The following CCDC102A variants were observed in gnomAD, a reference collection of about 807,000 sequenced individuals.
The protein encoded by CCDC102A is coiled-coil domain containing 102A.
Under a neutral mutation model 55.5 loss-of-function variants are expected in CCDC102A, and 40 were observed. That is an observed-to-expected ratio of 0.72 (90% CI 0.56 to 0.94). The LOEUF is 0.94. CCDC102A is among the 40% of genes least tolerant of loss of function. CCDC102A has a pLI of 0.00. For missense variants in CCDC102A, 779 were observed against 768.6 expected, an observed-to-expected ratio of 1.01 and a Z score of -0.16; for synonymous variants, 323 against 339.0, an observed-to-expected ratio of 0.95 and a Z score of 0.52.
In CCDC102A at chr16:57,528,736, C is replaced by A; in HGVS notation, c.442G>T (p.Gly148Cys). 8.5e-7 allele frequency: 1 copy of A among 1,172,108 alleles called. No homozygotes were observed. Among genetic ancestry groups the A allele is most frequent in the Non-Finnish European group, 1.1e-6 (1 of 940,958 alleles). 72.6% of individuals were successfully genotyped at this position (1,172,108 alleles called of 1,614,324 possible). A position where few individuals can be genotyped will look rare whatever the true frequency, so the allele number is the denominator to read the frequency against. ...GARRERQEAQGECEARGRELA... is the reference protein window; with the variant it reads ...GARRERQEAQCECEARGRELA... Reference sequence around the variant, plus strand: ...TCGCGGCCCCGTGCCTCGCACTCGCCCTGCGCCTCTTGGCGCTCGCGCCGT... The same window carrying A: ...TCGCGGCCCCGTGCCTCGCACTCGCACTGCGCCTCTTGGCGCTCGCGCCGT... The change falls in exon 2 of 9, where the codon GGC (glycine) becomes TGC (cysteine). Residue 148 changes from glycine (G) to cysteine (C), a missense_variant. Gly to Cys is a radical substitution (Grantham distance 159). Transcript: ENST00000258214.
At chr16:57,524,156 C>G (rs1378887895) in intron 3 of CCDC102A, among the ~76,000 whole-genome samples, 2 of 152,088 alleles carry the variant, frequency 1.3e-5, no homozygotes, top group Middle Eastern at 3.4e-3. Context: ...TCAGACCAAG[C>G]CTTGCAGGGA....
chr16:57,515,373 G>T lies in CCDC102A; in HGVS notation c.1491C>A (p.Asn497Lys), dbSNP rs1309741100. 2 of 1,607,926 alleles carry T rather than the reference G, an allele frequency of 1.2e-6. No individual in the cohort carries two copies. Among genetic ancestry groups the T allele is most frequent in the Non-Finnish European group, 1.7e-6 (2 of 1,178,068 alleles). The change falls in exon 8 of 9, where the codon AAC becomes AAA. Residue 497 changes from asparagine (N) to lysine (K), a missense_variant. Coordinates refer to ENST00000258214, the MANE Select transcript of CCDC102A (RefSeq NM_033212.4). ...GCAGGTGCTCCAGTTGCACTTGCAG[G>T]TTCTCGCTCTGCTCCGTCTGCTCGT... is the stretch of plus-strand genomic sequence containing the variant. ...SLDEQTEQSE[N>K]LQVQLEHLQS...
intron 1 of CCDC102A, among the ~76,000 whole-genome samples, chr16:57,534,167 C>T (rs1019131127): frequency 6.6e-6 from 1 of 152,226 alleles, no homozygotes; most frequent in Non-Finnish European, 1.5e-5. Context: ...ACCCCACCCC[C>T]ACCTGGGGAC....
At chr16:57,522,038 G>A (rs1448033444) in intron 3 of CCDC102A, among the ~76,000 whole-genome samples, 1 of 152,212 alleles carries the variant, frequency 6.6e-6, no homozygotes, top group Non-Finnish European at 1.5e-5. Flanking sequence ...GCAATGCCCT[G>A]GGCGTCCTGC....
In CCDC102A at chr16:57,516,678, G is replaced by A; in HGVS notation, c.1249-215C>T. 1.7e-6 allele frequency: 1 copy of A among 590,210 alleles called. No individual in the cohort carries two copies. The highest frequency in any genetic ancestry group is 2.0e-5 in the South Asian group (1 of 49,280). 36.6% of individuals were successfully genotyped at this position (590,210 alleles called of 1,614,324 possible). A position where few individuals can be genotyped will look rare whatever the true frequency, so the allele number is the denominator to read the frequency against. On this transcript the variant is annotated intron_variant, in intron 6 of 8. Coordinates refer to ENST00000258214, the MANE Select transcript of CCDC102A (RefSeq NM_033212.4). This position sits in a 1 kb window ranked among gnomAD's most constrained non-coding sequence, Gnocchi z 4.4. The stretch of plus-strand genomic sequence containing the variant: ...TTCCAGGGAGGTGAGAAGGCTGGGT[G>A]GGTGGAACCTGTGGCTCCGGTTTGG...
rs1330274619 is a variant in CCDC102A, at chr16:57,529,517, T to C, written c.-147-193A>G. Among the ~76,000 whole-genome samples, 1 of 152,164 alleles carries C rather than the reference T, an allele frequency of 6.6e-6. No homozygotes were observed. The highest frequency in any genetic ancestry group is 1.5e-5 in the Non-Finnish European group (1 of 68,022). On this transcript the variant is annotated intron_variant, in intron 1 of 8. Coordinates refer to ENST00000258214, the MANE Select transcript of CCDC102A (RefSeq NM_033212.4). This position sits in a 1 kb window ranked among gnomAD's most constrained non-coding sequence, Gnocchi z 4.1. Reference sequence around the variant, plus strand: ...CTCCTCAGTGGCCTCGACTCCCTGCTCCAATCCCTTCACCCAGCGGCGCTA... The same window carrying C: ...CTCCTCAGTGGCCTCGACTCCCTGCCCCAATCCCTTCACCCAGCGGCGCTA...
chr16:57,520,047 T>C (rs1391908824), intron 4 of CCDC102A, among the ~76,000 whole-genome samples: 1 of 152,202 alleles, frequency 6.6e-6, no homozygotes, highest in Admixed American at 6.5e-5. Context: ...TCAGTTTCCC[T>C]ATCTGTAAGA....
At position 57,529,028 on chromosome 16, in the gene CCDC102A, C is replaced by T; in HGVS notation, c.150G>A (p.Gly50=). 1 of 1,105,074 alleles carries T rather than the reference C, an allele frequency of 9.0e-7. No homozygotes were observed. The highest frequency in any genetic ancestry group is 1.1e-6 in the Non-Finnish European group (1 of 906,642). The allele number at this position is 1,105,074 out of a possible 1,614,324, so 68.5% of individuals were successfully genotyped here. The change falls in exon 2 of 9, where the codon GGG becomes GGA. Residue 50 remains glycine, a synonymous_variant. Transcript: ENST00000258214. This position sits in a 1 kb window ranked among gnomAD's most constrained non-coding sequence, Gnocchi z 4.1. The stretch of plus-strand genomic sequence containing the variant: ...GGGGCAGGGGCAGTGCGGGCGGCGG[C>T]CCGGGCGAGGGCGTGCCGCTGGGCG... ...PTPPSGTPSP[G]PPPALPLPPA...
chr16:57,528,725 C>T lies in CCDC102A; in HGVS notation c.453G>A (p.Glu151=). 8.7e-7 allele frequency: 1 copy of T among 1,149,964 alleles called. No individual in the cohort carries two copies. The highest frequency in any genetic ancestry group is 2.5e-5 in the South Asian group (1 of 39,530). The allele number at this position is 1,149,964 out of a possible 1,614,324, so 71.2% of individuals were successfully genotyped here. The part of the protein sequence containing the change: ...RERQEAQGEC[E]ARGRELARLR... The stretch of plus-strand genomic sequence containing the variant: ...GCCGCGCCAGCTCGCGGCCCCGTGC[C>T]TCGCACTCGCCCTGCGCCTCTTGGC... Residue 151 remains glutamate, a synonymous_variant, in exon 2 of 9, where the codon GAG becomes GAA. Coordinates refer to ENST00000258214, the MANE Select transcript of CCDC102A (RefSeq NM_033212.4).
In CCDC102A at chr16:57,516,703, G is replaced by A; in HGVS notation, c.1249-240C>T. 1 of 572,402 alleles carries A rather than the reference G, an allele frequency of 1.7e-6. No individual in the cohort carries two copies. Among genetic ancestry groups the A allele is most frequent in the South Asian group, 2.1e-5 (1 of 48,372 alleles). 35.5% of individuals were successfully genotyped at this position (572,402 alleles called of 1,614,324 possible). On this transcript the variant is annotated intron_variant, in intron 6 of 8. Transcript: ENST00000258214. The surrounding 1 kb of genome is among the most constrained non-coding windows in gnomAD (Gnocchi z 4.4). ...GGGTGGAACCTGTGGCTCCGGTTTG[G>A]ATGTGTAACTTTCAGATGCTACTGG...
intron 1 of CCDC102A, among the ~76,000 whole-genome samples, chr16:57,532,794 G>C (rs1456292170): frequency 6.6e-6 from 1 of 152,076 alleles, no homozygotes; most frequent in Non-Finnish European, 1.5e-5. Flanking sequence ...GAAGCTCTTG[G>C]AAAAGAAAAA....
intron 2 of CCDC102A, among the ~76,000 whole-genome samples, chr16:57,527,424 T>TC (rs2032157208): frequency 6.6e-6 from 1 of 151,620 alleles, no homozygotes; most frequent in South Asian, 2.1e-4. Context: ...GCTGCTTTTT[T>TC]TTTTTTTTTT....
Position 57,529,032 on chromosome 16 carries a change from G to C in CCDC102A, c.146C>G (p.Pro49Arg). Residue 49 changes from proline (P) to arginine (R), a missense_variant, in exon 2 of 9, where the codon CCC (proline) becomes CGC (arginine). By Grantham distance (103) the Pro-to-Arg change is moderately radical (BLOSUM62 -2). Transcript: ENST00000258214. The surrounding 1 kb of genome is among the most constrained non-coding windows in gnomAD (Gnocchi z 4.1). ...PPTPPSGTPS[P>R]GPPPALPLPP... Reference sequence around the variant, plus strand: ...CAGGGGCAGTGCGGGCGGCGGCCCGGGCGAGGGCGTGCCGCTGGGCGGCGT... The same window carrying C: ...CAGGGGCAGTGCGGGCGGCGGCCCGCGCGAGGGCGTGCCGCTGGGCGGCGT... The C allele has an allele frequency of 5.4e-6, 6 of 1,107,722 alleles. No individual in the cohort carries two copies. Among genetic ancestry groups the C allele is most frequent in the Non-Finnish European group, 6.6e-6 (6 of 908,404 alleles). The allele number at this position is 1,107,722 out of a possible 1,614,324, so 68.6% of individuals were successfully genotyped here. A position where few individuals can be genotyped will look rare whatever the true frequency, so the allele number is the denominator to read the frequency against.
chr16:57,524,167 A>T (rs1266670875), intron 3 of CCDC102A, among the ~76,000 whole-genome samples: 1 of 152,036 alleles, frequency 6.6e-6, no homozygotes, highest in African/African-American at 2.4e-5. Flanking sequence ...CTTGCAGGGA[A>T]CATAGTCTAC....
Position 57,529,183 on chromosome 16 carries a change from G to A in CCDC102A, c.-6C>T. 1 of 1,178,944 alleles carries A rather than the reference G, an allele frequency of 8.5e-7. No homozygotes were observed. The highest frequency in any genetic ancestry group is 1.0e-6 in the Non-Finnish European group (1 of 953,394). The allele number at this position is 1,178,944 out of a possible 1,614,324, so 73.0% of individuals were successfully genotyped here. On this transcript the variant is annotated 5_prime_UTR_variant, in exon 2 of 9. Transcript: ENST00000258214. This position sits in a 1 kb window ranked among gnomAD's most constrained non-coding sequence, Gnocchi z 4.1. ...GGGCTGGGCCCGTGGCTCATGGTGCGGCCGGGCGGGCCCTGAGCTCGAACT... is the reference window on the plus strand; with the variant it reads ...GGGCTGGGCCCGTGGCTCATGGTGCAGCCGGGCGGGCCCTGAGCTCGAACT...
intron 7 of CCDC102A, 33 bp from the exon 8 acceptor site, chr16:57,515,477 G>A (rs1322903451): frequency 1.4e-6 from 2 of 1,458,212 alleles, no homozygotes; most frequent in Non-Finnish European, 1.9e-6. Flanking sequence ...AAGCACGAGG[G>A]TCACCCAGGG....
intron 4 of CCDC102A, among the ~76,000 whole-genome samples, chr16:57,520,558 T>TAAC (rs1160010186): frequency 2.8e-4 from 36 of 128,058 alleles, no homozygotes; most frequent in African/African-American, 1.2e-3. Flanking sequence ...TAACATAACA[T>TAAC]AACATAACAT....
chr16:57,512,927 G>C, intron 8 of CCDC102A, 57 bp from the exon 9 acceptor site: 1 of 1,507,514 alleles, frequency 6.6e-7, no homozygotes, highest in South Asian at 1.1e-5. Flanking sequence ...CCCCCGATAA[G>C]GTGGCTGCAG....
intron 1 of CCDC102A, among the ~76,000 whole-genome samples, chr16:57,530,963 G>A (rs2032247906): frequency 6.6e-6 from 1 of 151,638 alleles, no homozygotes; most frequent in African/African-American, 2.4e-5. Context: ...TTGCTTCCAC[G>A]TCTTCCTCTC....
Sources: allele counts gnomAD v4.1 joint callset (sites outside exome capture counted in the v4.1 genomes callset), GRCh38; gene constraint gnomAD v4.1.1; non-coding constraint Gnocchi (gnomAD v3.1); transcripts MANE v1.5; gene names NCBI Gene and HGNC (gene_info 2026-07-23, HGNC 2026-07-21).